OPRK1: variants seen among roughly 807,000 people sequenced by gnomAD.
The protein encoded by OPRK1 is kappa-type opioid receptor.
A neutral mutation model predicts 24.5 loss-of-function variants in OPRK1; 15 were observed. That is an observed-to-expected ratio of 0.61 (90% CI 0.41 to 0.94). OPRK1 has a LOEUF of 0.94. Among genes scored for constraint, OPRK1 ranks in the 40% least tolerant of loss-of-function variants. The pLI is 0.00. For synonymous variants in OPRK1, 205 were observed against 198.0 expected (o/e 1.04, Z -0.30); for missense variants, 479 against 507.3 (o/e 0.94, Z 0.54).
chr8:53,242,823 T>A, intron 2 of OPRK1: 2 of 1,259,514 alleles, frequency 1.6e-6, no homozygotes, highest in Non-Finnish European at 2.1e-6. Flanking sequence ...CCATTCTTAA[T>A]CCAAGGCTTC....
intron 1 of OPRK1, 87 bp from the exon 2 acceptor site, chr8:53,251,172 G>A: frequency 7.3e-7 from 1 of 1,360,850 alleles, no homozygotes; most frequent in Non-Finnish European, 9.5e-7. Flanking sequence ...GGAGCCTGCG[G>A]ACTCCCACCC....
chr8:53,230,711 G>A (rs1442799110), intron 3 of OPRK1, among the ~76,000 whole-genome samples: 3 of 152,076 alleles, frequency 2.0e-5, no homozygotes, highest in African/African-American at 7.2e-5. Context: ...TGTCCCATGG[G>A]CTCACCTTTC....
chr8:53,250,703 C>T, intron 2 of OPRK1, 78 bp downstream of exon 2: 1 of 1,470,122 alleles, frequency 6.8e-7, no homozygotes, highest in Admixed American at 2.0e-5. Flanking sequence ...GCTGCCCCCA[C>T]TGCTGCTCCA....
intron 3 of OPRK1, among the ~76,000 whole-genome samples, chr8:53,230,465 G>A (rs1486896535): frequency 6.6e-6 from 1 of 152,158 alleles, no homozygotes; most frequent in Non-Finnish European, 1.5e-5. Flanking sequence ...TTTGGAGGAG[G>A]TGGGGGAGAA....
At chr8:53,231,614 C>T (rs7824175) in intron 3 of OPRK1, among the ~76,000 whole-genome samples, 2 of 152,032 alleles carry the variant, frequency 1.3e-5, no homozygotes, top group Non-Finnish European at 2.9e-5. Context: ...ACATTTTTCT[C>T]TCCATCCAGA....
Position 53,234,773 on chromosome 8 carries a change from G to T in OPRK1, c.596C>A (p.Thr199Asn). ...ACTGCTCTTACCTTCCCTGACTTTGGTGCCTCCAAGGACTATTGCAGAGAT... is the reference window on the plus strand; with the variant it reads ...ACTGCTCTTACCTTCCCTGACTTTGTTGCCTCCAAGGACTATTGCAGAGAT... ...VGISAIVLGG[T>N]KVREDVDVIE... is the part of the protein sequence containing the mutation. Residue 199 changes from threonine to asparagine, a missense_variant, in exon 3 of 4, where the codon ACC (threonine) becomes AAC (asparagine). Transcript: ENST00000265572. 1.2e-6 allele frequency: 2 copies of T among 1,608,956 alleles called. No homozygotes were observed. Among genetic ancestry groups the T allele is most frequent in the Non-Finnish European group, 1.7e-6 (2 of 1,175,668 alleles).
chr8:53,239,402 T>C (rs1807066057), intron 2 of OPRK1, among the ~76,000 whole-genome samples: 1 of 152,178 alleles, frequency 6.6e-6, no homozygotes, highest in Non-Finnish European at 1.5e-5. Flanking sequence ...ATCTTGAGAT[T>C]TGAGAAAGAT....
rs201870575 is a variant in OPRK1 at position 53,229,140 on chromosome 8, C to T, written c.*157G>A. 28 of 814,838 alleles carry T rather than the reference C, an allele frequency of 3.4e-5. No homozygotes were observed. The highest frequency in any genetic ancestry group is 8.9e-5 in the Admixed American group (3 of 33,696). 50.5% of individuals were successfully genotyped at this position (814,838 alleles called of 1,614,324 possible). On this transcript the variant is annotated 3_prime_UTR_variant, in exon 4 of 4. Coordinates refer to ENST00000265572, the MANE Select transcript of OPRK1 (RefSeq NM_000912.5). The stretch of plus-strand genomic sequence containing the variant: ...CCTTGATGTTTCCACTGATCACGAA[C>T]GTGGTCTGCATCTGATGACTTCAGA...
chr8:53,250,343 T>C (rs1226906863), intron 2 of OPRK1, among the ~76,000 whole-genome samples: 3 of 152,098 alleles, frequency 2.0e-5, no homozygotes, highest in Non-Finnish European at 4.4e-5. Flanking sequence ...CTTCAGTGCA[T>C]TGGGTGGGCT....
chr8:53,246,164 G>GA (rs1807222915), intron 2 of OPRK1, among the ~76,000 whole-genome samples: 1 of 152,176 alleles, frequency 6.6e-6, no homozygotes, highest in Non-Finnish European at 1.5e-5. Flanking sequence ...GGAGCAAGGA[G>GA]AATGCCAGAG....
At chr8:53,235,772 C>T (rs1044378852) in intron 2 of OPRK1, among the ~76,000 whole-genome samples, 3 of 152,140 alleles carry the variant, frequency 2.0e-5, no homozygotes, top group African/African-American at 7.2e-5. Flanking sequence ...TTCTGTCTTT[C>T]TTTACTCCTT....
intron 2 of OPRK1, among the ~76,000 whole-genome samples, chr8:53,248,444 C>A (rs142108324): frequency 3.9e-4 from 60 of 152,298 alleles, no homozygotes; most frequent in African/African-American, 1.4e-3. Flanking sequence ...CTTCATCTTT[C>A]AAGCACAGCT....
rs11992934 is a variant in OPRK1, at chr8:53,248,904, C to A, written c.257+1877G>T. Reference sequence around the variant, plus strand: ...AGAATGATGTATGTGAACTATCCAACTTCTTTTATATTTTTAGCTGAACTT... The same window carrying A: ...AGAATGATGTATGTGAACTATCCAAATTCTTTTATATTTTTAGCTGAACTT... On this transcript the variant is annotated intron_variant, in intron 2 of 3. Transcript: ENST00000265572. 4.0e-3 allele frequency among the ~76,000 whole-genome samples: 606 copies of A among 152,296 alleles called. 8 individuals carry two copies. Among genetic ancestry groups the A allele is most frequent in the African/African-American group, 0.014 (578 of 41,556 alleles).
At chr8:53,237,656 G>A (rs1013558854) in intron 2 of OPRK1, among the ~76,000 whole-genome samples, 19 of 152,142 alleles carry the variant, frequency 1.2e-4, no homozygotes, top group African/African-American at 4.6e-4. Flanking sequence ...TATAACTATA[G>A]GCATAGCAGA....
Position 53,247,299 on chromosome 8 carries a change from A to G in OPRK1, c.257+3482T>C, listed in dbSNP as rs117118013. 6.2e-4 allele frequency among the ~76,000 whole-genome samples: 94 copies of G among 152,328 alleles called. 4 individuals are homozygous for G. The East Asian group carries it at 0.017, about 28-fold the overall frequency. On this transcript the variant is annotated intron_variant, in intron 2 of 3. Transcript: ENST00000265572. ...CAGAATGGATAAGAGCATAGGATCA[A>G]TGGTCAGGCCACTGGCATCATTCTG... is the stretch of plus-strand genomic sequence containing the variant.
At chr8:53,236,777 A>G (rs1318769726) in intron 2 of OPRK1, among the ~76,000 whole-genome samples, 1 of 152,104 alleles carries the variant, frequency 6.6e-6, no homozygotes, top group African/African-American at 2.4e-5. Flanking sequence ...GCATCTTACA[A>G]ACCTAACTTC....
intron 3 of OPRK1, among the ~76,000 whole-genome samples, chr8:53,233,673 G>C (rs1806909915): frequency 6.6e-6 from 1 of 152,080 alleles, no homozygotes; most frequent in South Asian, 2.1e-4. Context: ...GCTTTCTATA[G>C]CTTTATATTT....
chr8:53,246,968 T>C (rs1807244450), intron 2 of OPRK1, among the ~76,000 whole-genome samples: 1 of 152,206 alleles, frequency 6.6e-6, no homozygotes, highest in Non-Finnish European at 1.5e-5. Context: ...TCAGATATAC[T>C]TGAAGGTGGT....
intron 3 of OPRK1, among the ~76,000 whole-genome samples, chr8:53,231,146 G>A (rs908824017): frequency 1.3e-5 from 2 of 152,120 alleles, no homozygotes; most frequent in Non-Finnish European, 2.9e-5. Flanking sequence ...TGTCATTTTT[G>A]ATTTTTTAAA....
Sources: gnomAD v4.1 joint callset for allele counts (sites outside exome capture counted in the v4.1 genomes callset) on GRCh38, gnomAD v4.1.1 for gene constraint, MANE v1.5 for transcripts, NCBI Gene and HGNC (gene_info 2026-07-23, HGNC 2026-07-21) for gene names.